Variants in LRRC4C observed in about 807,000 individuals in gnomAD.
The protein encoded by LRRC4C is leucine rich repeat containing 4C, also known as leucine-rich repeat-containing protein 4C.
LRRC4C carries 5 observed loss-of-function variants against 33.6 expected under a neutral mutation model. The ratio of observed to expected loss-of-function variants is 0.15; its 90% confidence interval spans 0.08 to 0.31. The LOEUF (loss-of-function observed/expected upper bound fraction) is 0.31, where lower values mean the gene tolerates loss of function less well. LRRC4C is among the 10% of genes least tolerant of loss of function. The probability of loss-of-function intolerance (pLI) is 1.00; values close to 1 mark genes in which losing one functional copy is unlikely to be tolerated. For missense variants in LRRC4C, 560 were observed against 796.7 expected, an observed-to-expected ratio of 0.70 and a Z score of 3.58; for synonymous variants, 329 against 302.0, an observed-to-expected ratio of 1.09 and a Z score of -0.93.
At chr11:41,339,290 T>G (rs1951555989) in intron 1 of LRRC4C, among the ~76,000 whole-genome samples, 1 of 152,214 alleles carries the variant, frequency 6.6e-6, no homozygotes, top group African/African-American at 2.4e-5. Context: ...TGCCCTTGAA[T>G]AAGTCATTAG....
chr11:40,698,580 T>A (rs1176767116), intron 2 of LRRC4C, among the ~76,000 whole-genome samples: 3 of 152,072 alleles, frequency 2.0e-5, no homozygotes, highest in Admixed American at 2.0e-4. Context: ...AATGGGAAAG[T>A]TCCTGGAAAG....
intron 3 of LRRC4C, among the ~76,000 whole-genome samples, chr11:40,455,043 T>C (rs1410091252): frequency 1.3e-5 from 2 of 152,126 alleles, no homozygotes; most frequent in East Asian, 3.9e-4. Flanking sequence ...GAAGGTCATC[T>C]GTCATGTATG....
At chr11:41,432,973 T>C (rs911322197) in intron 1 of LRRC4C, among the ~76,000 whole-genome samples, 23 of 152,136 alleles carry the variant, frequency 1.5e-4, no homozygotes, top group African/African-American at 5.6e-4. Flanking sequence ...TTTTAGAAGA[T>C]AAAATGTTGC....
At chr11:40,687,158 C>A (rs1234237223) in intron 2 of LRRC4C, among the ~76,000 whole-genome samples, 1 of 152,050 alleles carries the variant, frequency 6.6e-6, no homozygotes, top group African/African-American at 2.4e-5. Flanking sequence ...TCAAGTGCAA[C>A]AGTTTGAGAA....
intron 3 of LRRC4C, among the ~76,000 whole-genome samples, chr11:40,519,504 C>T (rs1385651125): frequency 6.6e-6 from 1 of 152,168 alleles, no homozygotes; most frequent in East Asian, 1.9e-4. Flanking sequence ...TCTTCTGCTG[C>T]TTCCTCCTCA....
At chr11:40,135,474 C>T (rs576979042) in intron 6 of LRRC4C, among the ~76,000 whole-genome samples, 1 of 152,236 alleles carries the variant, frequency 6.6e-6, no homozygotes, top group South Asian at 2.1e-4. Context: ...ATTCACTTTG[C>T]CTGCAATGCA....
At chr11:40,912,117 ACT>A (rs1373305998) in intron 2 of LRRC4C, among the ~76,000 whole-genome samples, 1 of 152,178 alleles carries the variant, frequency 6.6e-6, no homozygotes, top group African/African-American at 2.4e-5. Context: ...GTTGGAAAAC[ACT>A]CTGCAGGATA....
intron 1 of LRRC4C, among the ~76,000 whole-genome samples, chr11:41,301,498 C>A (rs1374483094): frequency 1.3e-5 from 2 of 152,008 alleles, no homozygotes; most frequent in Non-Finnish European, 2.9e-5. Context: ...GTAATGCTAT[C>A]TCTACTTTAG....
intron 3 of LRRC4C, among the ~76,000 whole-genome samples, chr11:40,551,867 T>C (rs1847977871): frequency 1.3e-5 from 2 of 152,190 alleles, no homozygotes; most frequent in South Asian, 2.1e-4. Flanking sequence ...TTTGGTGAAA[T>C]ACACTGGTCT....
chr11:41,437,833 T>A (rs1955483516), intron 1 of LRRC4C, among the ~76,000 whole-genome samples: 1 of 151,212 alleles, frequency 6.6e-6, no homozygotes, highest in South Asian at 2.1e-4. Flanking sequence ...AGGTCAGGAG[T>A]TTGAGACCAG....
chr11:40,696,633 G>T (rs116731420), intron 2 of LRRC4C, among the ~76,000 whole-genome samples: 8,203 of 148,900 alleles, frequency 0.055, 755 homozygotes, highest in African/African-American at 0.19. Flanking sequence ...TAGGCTAATG[G>T]GGACAGTCTG....
At chr11:40,157,693 CA>C (rs931929893) in intron 5 of LRRC4C, among the ~76,000 whole-genome samples, 2 of 152,078 alleles carry the variant, frequency 1.3e-5, no homozygotes, top group African/African-American at 2.4e-5. Flanking sequence ...AAATGCAAAT[CA>C]AAACCATAAT....
intron 3 of LRRC4C, among the ~76,000 whole-genome samples, chr11:40,378,114 A>C (rs570287710): frequency 6.6e-6 from 1 of 152,178 alleles, no homozygotes; most frequent in Non-Finnish European, 1.5e-5. Context: ...TTATACTCTA[A>C]ATTCACTTTC....
chr11:41,048,917 G>C (rs781486503), intron 1 of LRRC4C, among the ~76,000 whole-genome samples: 5 of 152,272 alleles, frequency 3.3e-5, no homozygotes, highest in African/African-American at 9.6e-5. Flanking sequence ...TGACTTCCTG[G>C]ATCGTAAATT....
chr11:40,770,144 G>A lies in LRRC4C; in HGVS notation c.-406-121866C>T, dbSNP rs552895270. On this transcript the variant is annotated intron_variant, in intron 2 of 6. Transcript: ENST00000528697. ...CTCATGCTGCTATAAAGAACTGCCC[G>A]AGACTGGGTAACTGATAAAGGAAAA... 5.9e-4 allele frequency among the ~76,000 whole-genome samples: 90 copies of A among 152,268 alleles called. No individual in the cohort carries two copies. The South Asian group carries it at 0.011, about 19-fold the overall frequency.
chr11:40,674,381 G>A (rs1944285698), intron 2 of LRRC4C, among the ~76,000 whole-genome samples: 1 of 152,102 alleles, frequency 6.6e-6, no homozygotes, highest in African/African-American at 2.4e-5. Flanking sequence ...GCTTTGCATA[G>A]GAAAAGTAGA....
At chr11:40,521,992 A>C (rs1282450596) in intron 3 of LRRC4C, among the ~76,000 whole-genome samples, 1 of 152,228 alleles carries the variant, frequency 6.6e-6, no homozygotes, top group East Asian at 1.9e-4. Flanking sequence ...GACAAAAAAG[A>C]TTCTTCTAAA....
intron 2 of LRRC4C, among the ~76,000 whole-genome samples, chr11:40,650,167 G>A (rs925606258): frequency 4.6e-5 from 7 of 152,176 alleles, no homozygotes; most frequent in East Asian, 1.9e-4. Context: ...ACACCTTAAC[G>A]AGTATTAAAT....
rs79272592 is a variant in LRRC4C, at chr11:40,827,722, G to T, written c.-407+105913C>A. The stretch of plus-strand genomic sequence containing the variant: ...TGAATAATGAAATGAGTATGTTTGC[G>T]TGTGTGCATGTATGGGTGCATGTGT... On this transcript the variant is annotated intron_variant, in intron 2 of 6. Coordinates refer to ENST00000528697, the MANE Select transcript of LRRC4C (RefSeq NM_001258419.2). 2.6e-5 allele frequency among the ~76,000 whole-genome samples: 4 copies of T among 151,622 alleles called. No individual in the cohort carries two copies. The South Asian group carries it at 8.3e-4, about 32-fold the overall frequency.
Sources: allele counts gnomAD v4.1 joint callset (sites outside exome capture counted in the v4.1 genomes callset), GRCh38; gene constraint gnomAD v4.1.1; transcripts MANE v1.5; gene names NCBI Gene and HGNC (gene_info 2026-07-23, HGNC 2026-07-21).